Variants in CUL1 observed in about 807,000 individuals in gnomAD.
CUL1 encodes cullin 1, also known as cullin-1.
CUL1 carries 24 observed loss-of-function variants against 118.0 expected under a neutral mutation model. The observed-to-expected ratio is 0.20, with a 90% CI of 0.15 to 0.29. The LOEUF (loss-of-function observed/expected upper bound fraction) is 0.29, where lower values mean the gene tolerates loss of function less well. Among genes scored for constraint, CUL1 ranks in the 10% least tolerant of loss-of-function variants. CUL1 has a pLI of 1.00. For synonymous variants in CUL1, 332 were observed against 340.4 expected (o/e 0.98, Z 0.27); for missense variants, 361 against 933.8 (o/e 0.39, Z 7.99).
At position 148,767,766 on chromosome 7, in the gene CUL1, T is replaced by C; in HGVS notation, c.1083+17T>C. 1 of 1,610,930 alleles carries C rather than the reference T, an allele frequency of 6.2e-7. No individual in the cohort carries two copies. Among genetic ancestry groups the C allele is most frequent in the South Asian group, 1.1e-5 (1 of 90,630 alleles). On this transcript the variant is annotated intron_variant, in intron 9 of 21. Transcript: ENST00000325222. ...GCTTTAAATGTAAGTGAGATTTCATTGAAAATCAGTCAGGCTGATTATTTC... is the reference window on the plus strand; with the variant it reads ...GCTTTAAATGTAAGTGAGATTTCATCGAAAATCAGTCAGGCTGATTATTTC...
intron 2 of CUL1, among the ~76,000 whole-genome samples, chr7:148,743,536 T>C (rs1182088712): frequency 6.6e-6 from 1 of 152,258 alleles, no homozygotes; most frequent in African/African-American, 2.4e-5. Context: ...TATGGTCTAG[T>C]TGCTGAGAGG....
At chr7:148,750,241 G>T (rs1197230678) in intron 2 of CUL1, among the ~76,000 whole-genome samples, 1 of 151,774 alleles carries the variant, frequency 6.6e-6, no homozygotes, top group East Asian at 1.9e-4. Flanking sequence ...GTAAGCAACA[G>T]ATACTCAATT....
intron 1 of CUL1, among the ~76,000 whole-genome samples, chr7:148,712,957 GA>G (rs35932084): frequency 4.4e-4 from 66 of 150,338 alleles, no homozygotes; most frequent in Admixed American, 7.9e-4. Flanking sequence ...ACATAACTGG[GA>G]AAAAAAAATG....
chr7:148,786,182 A>G lies in CUL1; in HGVS notation c.1299-369A>G, dbSNP rs1584817238. 4.6e-5 allele frequency among the ~76,000 whole-genome samples: 7 copies of G among 152,278 alleles called. 1 individual carries two copies. The highest frequency in any genetic ancestry group is 4.6e-4 in the Admixed American group (7 of 15,298). ...TGAAAGGGAATCTATGTGCCTTTTT[A>G]TTTCTCCAAAGTTAAATTACAGCAG... is the stretch of plus-strand genomic sequence containing the variant. On this transcript the variant is annotated intron_variant, in intron 11 of 21. Transcript: ENST00000325222.
chr7:148,778,317 T>A (rs1800487759), intron 9 of CUL1, among the ~76,000 whole-genome samples: 1 of 152,048 alleles, frequency 6.6e-6, no homozygotes, highest in South Asian at 2.1e-4. Context: ...TTTTGCCTAT[T>A]AATATCAAAA....
chr7:148,698,058 T>A (rs1327813427), upstream of CUL1: 1 of 152,188 alleles, frequency 6.6e-6, no homozygotes, highest in Non-Finnish European at 1.5e-5. Context: ...GAAAGCCTAG[T>A]TAGGTTTTAT....
intron 1 of CUL1, among the ~76,000 whole-genome samples, chr7:148,728,653 C>A (rs576836689): frequency 6.6e-6 from 1 of 152,244 alleles, no homozygotes; most frequent in African/African-American, 2.4e-5. Flanking sequence ...TTTGAACATA[C>A]CAATTCGAAT....
chr7:148,704,476 GAA>G (rs934440308), intron 1 of CUL1, among the ~76,000 whole-genome samples: 3 of 151,920 alleles, frequency 2.0e-5, no homozygotes, highest in African/African-American at 7.2e-5. Context: ...TTTAGTCTAA[GAA>G]AATACAAAAA....
chr7:148,783,902 A>G lies in CUL1; in HGVS notation c.1191+12A>G. ...CTGCTCTTGATAAGGTAGGTGCGTG[A>G]GGGTTGTGACTTGCCTGTAGTATGT... is the stretch of plus-strand genomic sequence containing the variant. On this transcript the variant is annotated intron_variant, in intron 10 of 21. Transcript: ENST00000325222. 1 of 1,613,752 alleles carries G rather than the reference A, an allele frequency of 6.2e-7. No homozygotes were observed. Among genetic ancestry groups the G allele is most frequent in the Non-Finnish European group, 8.5e-7 (1 of 1,179,718 alleles).
chr7:148,710,999 G>C (rs1798034253), intron 1 of CUL1, among the ~76,000 whole-genome samples: 1 of 152,090 alleles, frequency 6.6e-6, no homozygotes, highest in African/African-American at 2.4e-5. Context: ...GGTATGGCCA[G>C]ATTGTTTTGA....
intron 2 of CUL1, among the ~76,000 whole-genome samples, chr7:148,738,454 A>G (rs912485713): frequency 3.3e-5 from 5 of 152,160 alleles, no homozygotes; most frequent in Non-Finnish European, 5.9e-5. Flanking sequence ...TGTAGGACCT[A>G]TTTTGGAGGC....
intron 2 of CUL1, among the ~76,000 whole-genome samples, chr7:148,731,324 G>A (rs1798756862): frequency 6.6e-6 from 1 of 152,086 alleles, no homozygotes; most frequent in South Asian, 2.1e-4. Flanking sequence ...AAGTCTTCAG[G>A]TTTGATAGAC....
chr7:148,796,291 C>T (rs1801196079), intron 17 of CUL1, among the ~76,000 whole-genome samples: 1 of 152,146 alleles, frequency 6.6e-6, no homozygotes, highest in Non-Finnish European at 1.5e-5. Context: ...GATGTTGAAC[C>T]ACCCTGGTGT....
chr7:148,698,635 G>A (rs1296706968), upstream of CUL1: 2 of 151,892 alleles, frequency 1.3e-5, no homozygotes, highest in South Asian at 4.1e-4. Context: ...GAGCTTTCCG[G>A]GCCCCTCCCG....
intron 7 of CUL1, among the ~76,000 whole-genome samples, chr7:148,766,317 G>A (rs1367702943): frequency 1.3e-5 from 2 of 151,826 alleles, no homozygotes; most frequent in African/African-American, 2.4e-5. Context: ...TTAGAGACAG[G>A]GTCGCACTGT....
chr7:148,786,419 A>T, intron 11 of CUL1, 132 bp from the exon 12 acceptor site: 1 of 672,354 alleles, frequency 1.5e-6, no homozygotes, highest in South Asian at 2.1e-5. Context: ...AAGGAAAGTC[A>T]ACCTTCCCTC....
Position 148,783,788 on chromosome 7 carries a change from C to T in CUL1, c.1089C>T (p.Pro363=). Reference sequence around the variant, plus strand: ...TATTTCTGCCCCCATTTAAGGACCCCAAAATGTATGTACAGACAGTGCTTG... The same window carrying T: ...TATTTCTGCCCCCATTTAAGGACCCTAAAATGTATGTACAGACAGTGCTTG... ...EKCGEAALND[P]KMYVQTVLDV... is the part of the protein sequence containing the mutation. The change falls in exon 10 of 22, where the codon CCC becomes CCT. Residue 363 remains proline (P), a synonymous_variant. Coordinates refer to ENST00000325222, the MANE Select transcript of CUL1 (RefSeq NM_003592.3). 6.2e-7 allele frequency: 1 copy of T among 1,614,006 alleles called. No individual in the cohort carries two copies. Among genetic ancestry groups the T allele is most frequent in the Non-Finnish European group, 8.5e-7 (1 of 1,179,914 alleles).
intron 2 of CUL1, among the ~76,000 whole-genome samples, chr7:148,732,912 C>T (rs1284176839): frequency 6.6e-6 from 1 of 152,024 alleles, no homozygotes; most frequent in Non-Finnish European, 1.5e-5. Context: ...GAATCTAAAC[C>T]AAGTCTAAAA....
intron 2 of CUL1, among the ~76,000 whole-genome samples, chr7:148,753,587 G>T (rs1289632033): frequency 6.6e-6 from 1 of 152,226 alleles, no homozygotes; most frequent in African/African-American, 2.4e-5. Context: ...TTACAGCTGA[G>T]CATCATAATA....
Sources: gnomAD v4.1 joint callset for allele counts (sites outside exome capture counted in the v4.1 genomes callset) on GRCh38, gnomAD v4.1.1 for gene constraint, MANE v1.5 for transcripts, NCBI Gene and HGNC (gene_info 2026-07-23, HGNC 2026-07-21) for gene names.